NOS1AP: variants seen among roughly 807,000 people sequenced by gnomAD.
NOS1AP encodes the protein nitric oxide synthase 1 adaptor protein, also known as carboxyl-terminal PDZ ligand of neuronal nitric oxide synthase protein.
In NOS1AP, 21 loss-of-function variants were observed where a neutral mutation model predicts 56.2. That is an observed-to-expected ratio of 0.37 (90% CI 0.26 to 0.54). The LOEUF is 0.54. Ranked by LOEUF, NOS1AP falls within the 20% of genes least tolerant of loss-of-function variation. The pLI is 0.84. For synonymous variants in NOS1AP, 270 were observed against 274.6 expected, an observed-to-expected ratio of 0.98 and a Z score of 0.17; for missense variants, 522 against 657.8, an observed-to-expected ratio of 0.79 and a Z score of 2.26.
chr1:162,216,534 C>A (rs966028941), intron 2 of NOS1AP, among the ~76,000 whole-genome samples: 5 of 152,144 alleles, frequency 3.3e-5, no homozygotes, highest in African/African-American at 9.7e-5. Context: ...GCCTCTGAGT[C>A]CTGCTATGTA....
At chr1:162,252,877 C>A (rs1233374278) in intron 2 of NOS1AP, among the ~76,000 whole-genome samples, 1 of 152,166 alleles carries the variant, frequency 6.6e-6, no homozygotes, top group African/African-American at 2.4e-5. Flanking sequence ...GTATGTTCAG[C>A]AGCTATTGTA....
At position 162,357,212 on chromosome 1, in the gene NOS1AP, A is replaced by G. The variant is rs778300109; in HGVS notation, c.939+76A>G. On this transcript the variant is annotated intron_variant, in intron 8 of 9. Transcript: ENST00000361897. ...ATGCACCTTCCCTAGCGAGGGGCTC[A>G]GGGCAGGTTTAAAATCTAGGGAGTC... The G allele has an allele frequency of 1.3e-5, 20 of 1,555,784 alleles. No homozygotes were observed. The African/African-American group carries it at 1.9e-4, about 15-fold the overall frequency.
chr1:162,152,274 G>A (rs377411740), intron 1 of NOS1AP, among the ~76,000 whole-genome samples: 1 of 152,208 alleles, frequency 6.6e-6, no homozygotes, highest in East Asian at 1.9e-4. Context: ...CCTGTGATGG[G>A]TGACCTTTCT....
At chr1:162,131,297 G>T (rs146396338) in intron 1 of NOS1AP, among the ~76,000 whole-genome samples, 1 of 151,566 alleles carries the variant, frequency 6.6e-6, no homozygotes, top group African/African-American at 2.4e-5. Context: ...GCCTCTTTCC[G>T]TGGGAAATCA....
chr1:162,099,945 C>G (rs1417897854), intron 1 of NOS1AP, among the ~76,000 whole-genome samples: 4 of 151,728 alleles, frequency 2.6e-5, no homozygotes, highest in African/African-American at 9.7e-5. Flanking sequence ...ATCCATGTCC[C>G]TACAAAGGAC....
chr1:162,125,257 C>T (rs533383825), intron 1 of NOS1AP, among the ~76,000 whole-genome samples: 1 of 151,870 alleles, frequency 6.6e-6, no homozygotes, highest in South Asian at 2.1e-4. Context: ...CCTCAGCCTC[C>T]TGAGTAGCTG....
In NOS1AP at chr1:162,358,434, C is replaced by T. The variant is rs767963982; in HGVS notation, c.939+1298C>T. 9.9e-5 allele frequency among the ~76,000 whole-genome samples: 15 copies of T among 152,234 alleles called. 2 individuals carry two copies. The South Asian group carries it at 2.5e-3, about 25-fold the overall frequency. On this transcript the variant is annotated intron_variant, in intron 8 of 9. Transcript: ENST00000361897. ...CAATGGGACACAGCTCTCAAGTTAT[C>T]GGAGTCTTTTTAAAAAGTCTTACCA...
intron 2 of NOS1AP, among the ~76,000 whole-genome samples, chr1:162,277,335 A>G (rs1234586654): frequency 2.6e-5 from 4 of 152,206 alleles, no homozygotes; most frequent in Non-Finnish European, 5.9e-5. Context: ...AGAGCCCTCC[A>G]AATTCTGATT....
chr1:162,355,081 G>C, intron 6 of NOS1AP, 106 bp from the exon 7 acceptor site: 1 of 1,258,268 alleles, frequency 7.9e-7, no homozygotes, highest in Non-Finnish European at 1.1e-6. Flanking sequence ...TACAAAGCCA[G>C]TGGCATCCCT....
At chr1:162,218,474 A>T (rs142095539) in intron 2 of NOS1AP, among the ~76,000 whole-genome samples, 152 of 152,290 alleles carry the variant, frequency 1.0e-3, no homozygotes, top group African/African-American at 3.5e-3. Flanking sequence ...TAATAATGAT[A>T]ATAGGCATGA....
chr1:162,222,340 T>C lies in NOS1AP; in HGVS notation c.178-65004T>C, dbSNP rs1652810733. Reference sequence around the variant, plus strand: ...TCTAACACGGCTAGTATCATAAATTTCTTCCTTGAGCACAGGCAGTTGTTT... The same window carrying C: ...TCTAACACGGCTAGTATCATAAATTCCTTCCTTGAGCACAGGCAGTTGTTT... On this transcript the variant is annotated intron_variant, in intron 2 of 9. Transcript: ENST00000361897. Among the ~76,000 whole-genome samples, 2 of 152,218 alleles carry C rather than the reference T, an allele frequency of 1.3e-5. 1 individual carries two copies. The highest frequency in any genetic ancestry group is 4.1e-4 in the South Asian group (2 of 4,826).
chr1:162,228,595 G>A (rs1411274469), intron 2 of NOS1AP, among the ~76,000 whole-genome samples: 2 of 152,218 alleles, frequency 1.3e-5, no homozygotes, highest in Non-Finnish European at 2.9e-5. Context: ...TGGACCCCCA[G>A]AAGGTTTCTC....
chr1:162,211,678 G>T (rs906827524), intron 2 of NOS1AP, among the ~76,000 whole-genome samples: 1 of 152,060 alleles, frequency 6.6e-6, no homozygotes, highest in African/African-American at 2.4e-5. Flanking sequence ...TTCTTTCCTT[G>T]TTTCCCTGTG....
intron 6 of NOS1AP, among the ~76,000 whole-genome samples, chr1:162,344,413 G>A (rs968722290): frequency 6.6e-6 from 1 of 152,126 alleles, no homozygotes; most frequent in Admixed American, 6.5e-5. Context: ...TCAGGAAGGA[G>A]GCCGGGCGCA....
chr1:162,289,786 G>A (rs987775084), intron 3 of NOS1AP, among the ~76,000 whole-genome samples: 15 of 152,024 alleles, frequency 9.9e-5, no homozygotes, highest in Non-Finnish European at 1.6e-4. Flanking sequence ...GTTGACTTTC[G>A]ATTAGGTTAA....
intron 4 of NOS1AP, among the ~76,000 whole-genome samples, chr1:162,330,983 G>T: frequency 6.6e-6 from 1 of 152,166 alleles, no homozygotes; most frequent in East Asian, 1.9e-4. Context: ...TATCAAGATA[G>T]GACATGGAGA....
chr1:162,361,050 A>G, intron 8 of NOS1AP: 1 of 394,190 alleles, frequency 2.5e-6, no homozygotes, highest in Non-Finnish European at 5.1e-6. Flanking sequence ...GTGTGTCATG[A>G]TGAGGCCAGA....
chr1:162,247,184 A>G (rs552493677), intron 2 of NOS1AP, among the ~76,000 whole-genome samples: 1 of 152,250 alleles, frequency 6.6e-6, no homozygotes, highest in Non-Finnish European at 1.5e-5. Flanking sequence ...ATGCAGAATT[A>G]ACCAGTGTCA....
chr1:162,131,898 T>A (rs747626927), intron 1 of NOS1AP, among the ~76,000 whole-genome samples: 1 of 152,230 alleles, frequency 6.6e-6, no homozygotes, highest in South Asian at 2.1e-4. Context: ...AGTTCTCTAA[T>A]CTTTAGGCCT....
Sources: allele counts gnomAD v4.1 joint callset (sites outside exome capture counted in the v4.1 genomes callset), GRCh38; gene constraint gnomAD v4.1.1; transcripts MANE v1.5; gene names NCBI Gene and HGNC (gene_info 2026-07-23, HGNC 2026-07-21).